The following PTPRM variants were observed in gnomAD, a reference collection of about 807,000 sequenced individuals.
PTPRM encodes the protein receptor-type tyrosine-protein phosphatase mu.
In PTPRM, 47 loss-of-function variants were observed where a neutral mutation model predicts 186.7. The observed-to-expected ratio is 0.25, with a 90% CI of 0.20 to 0.32. The LOEUF (loss-of-function observed/expected upper bound fraction) is 0.32, where lower values mean the gene tolerates loss of function less well. Ranked by LOEUF, PTPRM falls within the 10% of genes least tolerant of loss-of-function variation. The pLI, the probability that PTPRM is intolerant of heterozygous loss-of-function variation, is 1.00. For synonymous variants in PTPRM, 668 were observed against 674.9 expected (o/e 0.99, Z 0.16); for missense variants, 1,494 against 1,865.0 (o/e 0.80, Z 3.66).
At chr18:8,056,278 C>T (rs2087928600) in intron 7 of PTPRM, among the ~76,000 whole-genome samples, 1 of 152,130 alleles carries the variant, frequency 6.6e-6, no homozygotes, top group Non-Finnish European at 1.5e-5. Context: ...AGAAATAGTT[C>T]TATGTATTGT....
chr18:8,190,841 AT>A (rs1285550547), intron 14 of PTPRM, among the ~76,000 whole-genome samples: 6 of 152,138 alleles, frequency 3.9e-5, no homozygotes, highest in Non-Finnish European at 7.4e-5. Flanking sequence ...GTCATGGCCA[AT>A]TTTTTTCCTG....
intron 19 of PTPRM, among the ~76,000 whole-genome samples, chr18:8,289,595 TATATATACACAC>T (rs778017205): frequency 0.069 from 9,161 of 132,486 alleles, 697 homozygotes; most frequent in Middle Eastern, 0.14. Context: ...TATACACATA[TATATATACACAC>T]ATATATATAT....
Position 8,363,042 on chromosome 18 carries a change from C to T in PTPRM, c.3055-7848C>T, listed in dbSNP as rs547146529. ...GTCTCCTTGCTCTCTGCATCCCCAG[C>T]AATGCCCAGTCCGGGCTCTGCTTGT... On this transcript the variant is annotated intron_variant, in intron 23 of 32. Transcript: ENST00000580170. Among the ~76,000 whole-genome samples the T allele has an allele frequency of 2.0e-5, 3 of 152,342 alleles. No homozygotes were observed. The East Asian group carries it at 5.8e-4, about 29-fold the overall frequency.
intron 1 of PTPRM, among the ~76,000 whole-genome samples, chr18:7,672,211 G>A (rs1230468757): frequency 2.0e-5 from 3 of 152,138 alleles, no homozygotes; most frequent in African/African-American, 7.2e-5. Flanking sequence ...TGCATGTAAG[G>A]TAACTGAAGT....
chr18:8,281,317 T>C (rs73396007), intron 19 of PTPRM, among the ~76,000 whole-genome samples: 2,984 of 152,332 alleles, frequency 0.02, 89 homozygotes, highest in African/African-American at 0.068. Context: ...CACTGGGATC[T>C]CCTTCACTGT....
At chr18:8,154,621 GT>G (rs1380241362) in intron 14 of PTPRM, 5 of 152,192 alleles carry the variant, frequency 3.3e-5, no homozygotes, top group Non-Finnish European at 7.3e-5. Flanking sequence ...AGCTAAGATT[GT>G]TTTGTCTTCT....
rs566360249 is a variant in PTPRM, at chr18:8,394,212, G to A, written c.4209-264G>A. Among the ~76,000 whole-genome samples, 6 of 152,230 alleles carry A rather than the reference G, an allele frequency of 3.9e-5. No homozygotes were observed. In the South Asian group the frequency reaches 1.0e-3, roughly 26 times the overall value. ...AAATTTTCTACCATGGGCCCTTATC[G>A]ATGAATTGCTGTATCAGAGAATGTG... is the stretch of plus-strand genomic sequence containing the variant. On this transcript the variant is annotated intron_variant, in intron 31 of 32. Coordinates refer to ENST00000580170, the MANE Select transcript of PTPRM (RefSeq NM_001105244.2).
intron 7 of PTPRM, among the ~76,000 whole-genome samples, chr18:8,004,966 T>C (rs2084091096): frequency 6.6e-6 from 1 of 152,232 alleles, no homozygotes; most frequent in Non-Finnish European, 1.5e-5. Context: ...TCAGTGCATA[T>C]AAGTGATGAC....
At chr18:8,049,655 C>CATATAT (rs150500622) in intron 7 of PTPRM, among the ~76,000 whole-genome samples, 77 of 147,960 alleles carry the variant, frequency 5.2e-4, no homozygotes, top group African/African-American at 1.9e-3. Flanking sequence ...ACATAATAAA[C>CATATAT]ATATATATAT....
chr18:7,750,622 C>T (rs529167001), intron 1 of PTPRM, among the ~76,000 whole-genome samples: 11 of 152,304 alleles, frequency 7.2e-5, no homozygotes, highest in African/African-American at 2.4e-4. Context: ...TCATGCCATG[C>T]CCCTACCTTA....
chr18:7,616,112 G>A (rs1212890223), intron 1 of PTPRM, among the ~76,000 whole-genome samples: 1 of 152,168 alleles, frequency 6.6e-6, no homozygotes, highest in Non-Finnish European at 1.5e-5. Flanking sequence ...TGTGGGTTGT[G>A]GACCCCTGAT....
chr18:8,160,627 T>A (rs1193979325), intron 14 of PTPRM, among the ~76,000 whole-genome samples: 1 of 152,148 alleles, frequency 6.6e-6, no homozygotes, highest in African/African-American at 2.4e-5. Flanking sequence ...GTGGGCATCT[T>A]AAGTTAAAAT....
intron 7 of PTPRM, among the ~76,000 whole-genome samples, chr18:7,972,866 T>C (rs1361550644): frequency 6.6e-6 from 1 of 152,098 alleles, no homozygotes; most frequent in Non-Finnish European, 1.5e-5. Flanking sequence ...CTTCAACATC[T>C]CTATGTAAGC....
chr18:8,321,244 G>C (rs1942706042), intron 22 of PTPRM, among the ~76,000 whole-genome samples: 1 of 152,086 alleles, frequency 6.6e-6, no homozygotes, highest in Non-Finnish European at 1.5e-5. Context: ...CCAATAACTT[G>C]ATTAGCAAGC....
intron 2 of PTPRM, among the ~76,000 whole-genome samples, chr18:7,779,007 G>C (rs2145045153): frequency 6.6e-6 from 1 of 152,246 alleles, no homozygotes; most frequent in African/African-American, 2.4e-5. Flanking sequence ...TTGTACCTCA[G>C]TGTTCCAGTT....
Position 7,703,675 on chromosome 18 carries a change from G to T in PTPRM, c.74-70474G>T, listed in dbSNP as rs569950640. Among the ~76,000 whole-genome samples the T allele has an allele frequency of 3.9e-5, 6 of 152,188 alleles. 1 individual carries two copies. In the East Asian group the frequency reaches 1.2e-3, roughly 29 times the overall value. On this transcript the variant is annotated intron_variant, in intron 1 of 32. Transcript: ENST00000580170. ...TGAATACCCTTTATTTCTTTCTCTT[G>T]CCTGATTGCCCTGGCCAGAACTTCC...
Position 7,605,249 on chromosome 18 carries a change from C to T in PTPRM, c.73+37358C>T, listed in dbSNP as rs536979413. Among the ~76,000 whole-genome samples, 6 of 152,270 alleles carry T rather than the reference C, an allele frequency of 3.9e-5. No homozygotes were observed. The South Asian group carries it at 8.3e-4, about 21-fold the overall frequency. Reference sequence around the variant, plus strand: ...AATTTGTTTTGGGCCACATTCAAAGCCTTCCTGGGCTGCATGTGTCCTGTG... The same window carrying T: ...AATTTGTTTTGGGCCACATTCAAAGTCTTCCTGGGCTGCATGTGTCCTGTG... On this transcript the variant is annotated intron_variant, in intron 1 of 32. Coordinates refer to ENST00000580170, the MANE Select transcript of PTPRM (RefSeq NM_001105244.2).
At chr18:8,221,814 A>T (rs2094156386) in intron 14 of PTPRM, among the ~76,000 whole-genome samples, 1 of 152,226 alleles carries the variant, frequency 6.6e-6, no homozygotes. Context: ...TGCATAGTGA[A>T]CTGTAACCTA....
chr18:7,635,808 A>G (rs2038298725), intron 1 of PTPRM, among the ~76,000 whole-genome samples: 1 of 152,170 alleles, frequency 6.6e-6, no homozygotes, highest in Admixed American at 6.6e-5. Flanking sequence ...GCCTGCCTAC[A>G]TTTTCCTTGC....
Sources: gnomAD v4.1 joint callset for allele counts (sites outside exome capture counted in the v4.1 genomes callset) on GRCh38, gnomAD v4.1.1 for gene constraint, MANE v1.5 for transcripts, NCBI Gene and HGNC (gene_info 2026-07-23, HGNC 2026-07-21) for gene names.